Variants in HCN1 observed in about 807,000 individuals in gnomAD.
HCN1 encodes potassium/sodium hyperpolarization-activated cyclic nucleotide-gated channel 1.
In HCN1, 13 loss-of-function variants were observed where a neutral mutation model predicts 78.9. The observed-to-expected ratio is 0.16, with a 90% CI of 0.11 to 0.26. The LOEUF is 0.26. HCN1 is among the 10% of genes least tolerant of loss of function. HCN1 has a pLI of 1.00. For synonymous variants in HCN1, 552 were observed against 455.5 expected, an observed-to-expected ratio of 1.21 and a Z score of -2.70; for missense variants, 810 against 1,154.3, an observed-to-expected ratio of 0.70 and a Z score of 4.32.
intron 5 of HCN1, among the ~76,000 whole-genome samples, chr5:45,306,187 C>A (rs941280951): frequency 1.3e-5 from 2 of 151,904 alleles, no homozygotes; most frequent in Non-Finnish European, 2.9e-5. Context: ...GAAAATAAGT[C>A]AGATTGTAGA....
At chr5:45,641,737 A>C (rs1745458513) in intron 2 of HCN1, 2 of 152,176 alleles carry the variant, frequency 1.3e-5, no homozygotes, top group Admixed American at 6.5e-5. Context: ...AACCTCTAAA[A>C]AATTTCGAAG....
intron 5 of HCN1, among the ~76,000 whole-genome samples, chr5:45,310,023 A>G (rs919516639): frequency 6.6e-6 from 1 of 152,012 alleles, no homozygotes; most frequent in African/African-American, 2.4e-5. Context: ...TAGGCTATTT[A>G]TTACTGCCTC....
chr5:45,337,606 G>A (rs1746490359), intron 5 of HCN1, among the ~76,000 whole-genome samples: 1 of 152,070 alleles, frequency 6.6e-6, no homozygotes, highest in African/African-American at 2.4e-5. Flanking sequence ...TCTGAGGGTT[G>A]GAGTCATAGA....
intron 2 of HCN1, among the ~76,000 whole-genome samples, chr5:45,585,605 T>G (rs1281553541): frequency 2.0e-5 from 3 of 151,850 alleles, no homozygotes; most frequent in Non-Finnish European, 4.4e-5. Flanking sequence ...GGCACTCTGA[T>G]TTTTAGAGTT....
chr5:45,544,873 A>C (rs1267520232), intron 2 of HCN1, among the ~76,000 whole-genome samples: 1 of 152,124 alleles, frequency 6.6e-6, no homozygotes, highest in Non-Finnish European at 1.5e-5. Context: ...GACTGGTTCC[A>C]AGTCTTTGCT....
intron 1 of HCN1, among the ~76,000 whole-genome samples, chr5:45,690,498 A>C (rs1739888575): frequency 6.6e-6 from 1 of 152,050 alleles, no homozygotes; most frequent in Non-Finnish European, 1.5e-5. Context: ...TGTAGCACAT[A>C]TATACAAATA....
At chr5:45,515,751 T>A (rs1172452559) in intron 2 of HCN1, among the ~76,000 whole-genome samples, 1 of 152,022 alleles carries the variant, frequency 6.6e-6, no homozygotes, top group Non-Finnish European at 1.5e-5. Context: ...ATAACCACAT[T>A]ATGAAACATC....
chr5:45,384,798 G>T (rs1046557171), intron 4 of HCN1, among the ~76,000 whole-genome samples: 4 of 152,126 alleles, frequency 2.6e-5, no homozygotes, highest in African/African-American at 9.7e-5. Flanking sequence ...AAGCACATTT[G>T]TTTGGGAAAT....
At chr5:45,544,583 A>T (rs1350261276) in intron 2 of HCN1, among the ~76,000 whole-genome samples, 2 of 149,310 alleles carry the variant, frequency 1.3e-5, no homozygotes, top group African/African-American at 4.9e-5. Context: ...TATACCTCCT[A>T]ATGCTGTCCC....
intron 2 of HCN1, among the ~76,000 whole-genome samples, chr5:45,540,738 A>T (rs1743087272): frequency 6.6e-6 from 1 of 152,076 alleles, no homozygotes; most frequent in Non-Finnish European, 1.5e-5. Flanking sequence ...TTCTAATGGC[A>T]TTTTATTTAC....
intron 2 of HCN1, among the ~76,000 whole-genome samples, chr5:45,596,930 A>G (rs1274109348): frequency 6.6e-6 from 1 of 152,200 alleles, no homozygotes; most frequent in Non-Finnish European, 1.5e-5. Flanking sequence ...CCTCAAAATA[A>G]ACAGTACATT....
chr5:45,597,968 T>C (rs533816193), intron 2 of HCN1, among the ~76,000 whole-genome samples: 3 of 152,146 alleles, frequency 2.0e-5, no homozygotes, highest in Admixed American at 1.3e-4. Flanking sequence ...AGAATCAACA[T>C]CGTGAAAATG....
At chr5:45,581,686 T>A (rs1241862034) in intron 2 of HCN1, among the ~76,000 whole-genome samples, 1 of 152,216 alleles carries the variant, frequency 6.6e-6, no homozygotes, top group African/African-American at 2.4e-5. Context: ...CCATCTTGAA[T>A]TAATTTTTGT....
In HCN1 at chr5:45,262,728, G is replaced by A; in HGVS notation, c.1866C>T (p.Leu622=). 1 of 1,614,142 alleles carries A rather than the reference G, an allele frequency of 6.2e-7. No individual in the cohort carries two copies. Among genetic ancestry groups the A allele is most frequent in the Non-Finnish European group, 8.5e-7 (1 of 1,180,020 alleles). The change falls in exon 8 of 8, where the codon CTC becomes CTT. Residue 622 remains leucine (L), a synonymous_variant. Coordinates refer to ENST00000303230, the MANE Select transcript of HCN1 (RefSeq NM_021072.4). ...CCCTGTCATGTTTCACAATCTGCTT[G>A]AGGATTTCGTTCTCCTGATTGTTGA... ...GVFNNQENEI[L]KQIVKHDREM... is the part of the protein sequence containing the mutation.
At chr5:45,316,924 C>G (rs1335768350) in intron 5 of HCN1, among the ~76,000 whole-genome samples, 2 of 152,102 alleles carry the variant, frequency 1.3e-5, no homozygotes, top group African/African-American at 4.8e-5. Context: ...AGGATACAAA[C>G]AAATGGAAGA....
chr5:45,572,302 G>A (rs1415455794), intron 2 of HCN1, among the ~76,000 whole-genome samples: 1 of 152,148 alleles, frequency 6.6e-6, no homozygotes, highest in Non-Finnish European at 1.5e-5. Flanking sequence ...TCAGACTCAT[G>A]AGAAGCACTT....
intron 3 of HCN1, among the ~76,000 whole-genome samples, chr5:45,408,546 G>A (rs1739970807): frequency 6.6e-6 from 1 of 152,112 alleles, no homozygotes; most frequent in Non-Finnish European, 1.5e-5. Context: ...GTTTGTGTAA[G>A]TACCATCTAT....
intron 1 of HCN1, among the ~76,000 whole-genome samples, chr5:45,684,504 C>A (rs1561244347): frequency 6.6e-6 from 1 of 152,078 alleles, no homozygotes. Flanking sequence ...TTAAAAAATA[C>A]TATTTAAACA....
In HCN1 at chr5:45,261,045, G is replaced by T. The variant is rs1227522376; in HGVS notation, c.*876C>A. On this transcript the variant is annotated 3_prime_UTR_variant, in exon 8 of 8. Transcript: ENST00000303230. ...ATTGCAGGTTAAAATAATATTGTAG[G>T]TTTCAAGCCATTGCATTACAATTGA... is the stretch of plus-strand genomic sequence containing the variant. The T allele has an allele frequency of 6.6e-6, 1 of 152,572 alleles. No homozygotes were observed. Among genetic ancestry groups the T allele is most frequent in the Admixed American group, 6.5e-5 (1 of 15,270 alleles). 9.5% of individuals were successfully genotyped at this position (152,572 alleles called of 1,614,324 possible).
Sources: gnomAD v4.1 joint callset for allele counts (sites outside exome capture counted in the v4.1 genomes callset) on GRCh38, gnomAD v4.1.1 for gene constraint, MANE v1.5 for transcripts, NCBI Gene and HGNC (gene_info 2026-07-23, HGNC 2026-07-21) for gene names.